The following ZSCAN25 variants were observed in gnomAD, a reference collection of about 807,000 sequenced individuals.
ZSCAN25 encodes zinc finger and SCAN domain containing 25.
In ZSCAN25, 27 loss-of-function variants were observed where a neutral mutation model predicts 38.7. That is an observed-to-expected ratio of 0.70 (90% CI 0.51 to 0.96). The LOEUF (loss-of-function observed/expected upper bound fraction) is 0.96, where lower values mean the gene tolerates loss of function less well. ZSCAN25 is among the 40% of genes least tolerant of loss of function. ZSCAN25 has a pLI of 0.00. For missense variants in ZSCAN25, 637 were observed against 705.9 expected, an observed-to-expected ratio of 0.90 and a Z score of 1.11; for synonymous variants, 273 against 277.7, an observed-to-expected ratio of 0.98 and a Z score of 0.17.
downstream of ZSCAN25, among the ~76,000 whole-genome samples, chr7:99,633,576 G>GT (rs1462229733): frequency 2.0e-5 from 3 of 151,886 alleles, no homozygotes; most frequent in Non-Finnish European, 4.4e-5. Flanking sequence ...GCTTTTATTG[G>GT]TTTTTTTGAG....
chr7:99,665,838 A>G, the ZSCAN25 span, among the ~76,000 whole-genome samples: 1 of 152,164 alleles, frequency 6.6e-6, no homozygotes, highest in East Asian at 1.9e-4. Flanking sequence ...TGCTCTGGAA[A>G]ACCCCACTAT....
the ZSCAN25 span, among the ~76,000 whole-genome samples, chr7:99,701,517 G>A: frequency 6.6e-6 from 1 of 152,132 alleles, no homozygotes; most frequent in Non-Finnish European, 1.5e-5. Context: ...TTAATGTTTT[G>A]AGGAACCTCC....
the ZSCAN25 span, among the ~76,000 whole-genome samples, chr7:99,686,693 C>T: frequency 6.6e-5 from 10 of 152,254 alleles, no homozygotes; most frequent in Admixed American, 3.3e-4. Flanking sequence ...GATCTGAGAA[C>T]GGGCAGGCTG....
At chr7:99,638,437 C>T in the ZSCAN25 span, 1 of 1,566,320 alleles carries the variant, frequency 6.4e-7, no homozygotes, top group Non-Finnish European at 8.8e-7. Context: ...TCCCTCATCT[C>T]CCGGTCATTG....
Position 99,632,330 on chromosome 7 carries a change from A to G in ZSCAN25, c.*2310A>G, listed in dbSNP as rs1808068347. 1 of 802,618 alleles carries G rather than the reference A, an allele frequency of 1.2e-6. No individual in the cohort carries two copies. The highest frequency in any genetic ancestry group is 1.5e-6 in the Non-Finnish European group (1 of 673,714). The allele number at this position is 802,618 out of a possible 1,614,324, so 49.7% of individuals were successfully genotyped here. On this transcript the variant is annotated 3_prime_UTR_variant, in exon 8 of 8. Transcript: ENST00000394152. ...TCTATTCTTTAGAAATTTTTTTATA[A>G]TAGATAATTTCAAACCTATATAAAT...
At chr7:99,636,379 A>G (rs144046470), downstream of ZSCAN25, among the ~76,000 whole-genome samples, 71 of 152,354 alleles carry the variant, frequency 4.7e-4, no homozygotes, top group East Asian at 0.013. Flanking sequence ...AGGAGCCTAC[A>G]TGAGAATAAC....
the ZSCAN25 span, among the ~76,000 whole-genome samples, chr7:99,693,495 C>A: frequency 6.6e-6 from 1 of 152,252 alleles, no homozygotes; most frequent in South Asian, 2.1e-4. Flanking sequence ...TTCTACTCTG[C>A]CCTGCCCCCA....
chr7:99,630,010 T>G lies in ZSCAN25; in HGVS notation c.1625T>G (p.Leu542Arg), dbSNP rs1807867352. 5 of 1,560,102 alleles carry G rather than the reference T, an allele frequency of 3.2e-6. No homozygotes were observed. The highest frequency in any genetic ancestry group is 4.3e-6 in the Non-Finnish European group (5 of 1,153,236). Residue 542 changes from leucine (L) to arginine (R), a missense_variant, in exon 8 of 8, where the codon CTG (leucine) becomes CGG (arginine). By Grantham distance (102) the Leu-to-Arg change is moderately radical. Transcript: ENST00000394152. ...AAGACCCAGCACCGCCAGGAGCCGC[T>G]GGTGCAGTGAGCATAGCAGGTGGCA... Reference protein sequence around the residue: ...HQKTQHRQEPLVQ With the variant: ...HQKTQHRQEPRVQ
chr7:99,720,693 G>C, the ZSCAN25 span: 3 of 363,296 alleles, frequency 8.3e-6, no homozygotes, highest in South Asian at 1.0e-4. Flanking sequence ...AATGACAGGA[G>C]AGCATTTGTT....
the ZSCAN25 span, chr7:99,650,028 T>C: frequency 1.2e-6 from 2 of 1,605,420 alleles, no homozygotes; most frequent in Non-Finnish European, 1.7e-6. Flanking sequence ...TATATACCCT[T>C]CAGTTAAAAA....
chr7:99,651,274 A>G, the ZSCAN25 span, among the ~76,000 whole-genome samples: 1 of 152,212 alleles, frequency 6.6e-6, no homozygotes, highest in African/African-American at 2.4e-5. Flanking sequence ...ACACACACAT[A>G]TACGTATATA....
At chr7:99,737,038 A>G in the ZSCAN25 span, among the ~76,000 whole-genome samples, 1 of 152,210 alleles carries the variant, frequency 6.6e-6, no homozygotes, top group Non-Finnish European at 1.5e-5. Context: ...AACAAAGGAC[A>G]GACACGGGTA....
chr7:99,699,848 G>A, the ZSCAN25 span: 1 of 696,234 alleles, frequency 1.4e-6, no homozygotes, highest in African/African-American at 1.8e-5. Context: ...TAGCATCCAA[G>A]AAGCTACTCC....
At chr7:99,686,346 C>G in the ZSCAN25 span, among the ~76,000 whole-genome samples, 2 of 152,210 alleles carry the variant, frequency 1.3e-5, no homozygotes, top group Non-Finnish European at 2.9e-5. Context: ...AAACGGCACA[C>G]CAGGAGATTA....
the ZSCAN25 span, chr7:99,667,051 C>G: frequency 6.2e-7 from 1 of 1,614,026 alleles, no homozygotes; most frequent in Non-Finnish European, 8.5e-7. Context: ...TCATAAATCC[C>G]ACTGGGCCTA....
At chr7:99,704,357 C>T in the ZSCAN25 span, among the ~76,000 whole-genome samples, 1 of 152,158 alleles carries the variant, frequency 6.6e-6, no homozygotes, top group African/African-American at 2.4e-5. Context: ...GTGGCATGAT[C>T]TTGGCTCACT....
At chr7:99,735,208 G>A in the ZSCAN25 span, 14 of 1,390,368 alleles carry the variant, frequency 1.0e-5, no homozygotes, top group African/African-American at 1.4e-5. Context: ...ATTCAGTGAG[G>A]CTGTTGGATT....
At chr7:99,731,009 T>C in the ZSCAN25 span, 2 of 1,605,718 alleles carry the variant, frequency 1.2e-6, no homozygotes, top group Non-Finnish European at 8.5e-7. Context: ...TGGAACTAAG[T>C]TGCTCTTTGC....
the ZSCAN25 span, among the ~76,000 whole-genome samples, chr7:99,698,419 G>A: frequency 3.3e-5 from 5 of 152,284 alleles, no homozygotes; most frequent in East Asian, 5.8e-4. Flanking sequence ...TACCCTGAGA[G>A]CTGAGGAATA....
Sources: gnomAD v4.1 joint callset for allele counts (sites outside exome capture counted in the v4.1 genomes callset) on GRCh38, gnomAD v4.1.1 for gene constraint, MANE v1.5 for transcripts, NCBI Gene and HGNC (gene_info 2026-07-23, HGNC 2026-07-21) for gene names.